ARSG: variants seen among roughly 807,000 people sequenced by gnomAD.
ARSG encodes ASG.
Under a neutral mutation model 50.5 loss-of-function variants are expected in ARSG, and 37 were observed. The observed-to-expected ratio is 0.73, with a 90% confidence interval of 0.56 to 0.96. The LOEUF is 0.96. Among genes scored for constraint, ARSG ranks in the 50% least tolerant of loss-of-function variants. The pLI is 0.00. For synonymous variants in ARSG, 225 were observed against 254.6 expected (o/e 0.88, Z 1.11); for missense variants, 629 against 675.3 (o/e 0.93, Z 0.76).
intron 11 of ARSG, among the ~76,000 whole-genome samples, chr17:68,413,309 T>G (rs1233940472): frequency 2.0e-5 from 3 of 152,176 alleles, no homozygotes; most frequent in African/African-American, 7.2e-5. Context: ...GGTGTGGATG[T>G]CCTTTCTGTT....
At chr17:68,290,402 G>A (rs2145217293), upstream of ARSG, among the ~76,000 whole-genome samples, 1 of 152,340 alleles carries the variant, frequency 6.6e-6, no homozygotes, top group Non-Finnish European at 1.5e-5. Flanking sequence ...CCCTTGCTAC[G>A]GAACTGCTTG....
chr17:68,325,232 G>A (rs559791168), intron 2 of ARSG, among the ~76,000 whole-genome samples: 2 of 151,990 alleles, frequency 1.3e-5, no homozygotes, highest in Admixed American at 6.6e-5. Context: ...ACAGGAGTGC[G>A]AGCCCTATTG....
intron 8 of ARSG, chr17:68,379,784 A>C: frequency 1.0e-6 from 1 of 982,816 alleles, no homozygotes; most frequent in Non-Finnish European, 1.2e-6. Flanking sequence ...TTAAATGAAA[A>C]ACACTAGGCA....
At position 68,307,429 on chromosome 17, in the gene ARSG, T is replaced by C; in HGVS notation, c.-65T>C. The C allele has an allele frequency of 7.7e-7, 1 of 1,296,098 alleles. No homozygotes were observed. 80.3% of individuals were successfully genotyped at this position (1,296,098 alleles called of 1,614,324 possible). A position where few individuals can be genotyped will look rare whatever the true frequency, so the allele number is the denominator to read the frequency against. The stretch of plus-strand genomic sequence containing the variant: ...CTTTGAAAGTGAGCAGAAAGGAAGC[T>C]CTCAGAAAAATCTCTAGTGGTGGCT... On this transcript the variant is annotated 5_prime_UTR_variant, in exon 2 of 12. Coordinates refer to ENST00000621439, the MANE Select transcript of ARSG (RefSeq NM_001267727.2).
At chr17:68,389,623 T>C (rs1437475983) in intron 9 of ARSG, among the ~76,000 whole-genome samples, 1 of 152,168 alleles carries the variant, frequency 6.6e-6, no homozygotes, top group East Asian at 1.9e-4. Flanking sequence ...CTTCCTCTTC[T>C]TCAGAGGAAG....
chr17:68,368,487 G>C lies in ARSG; in HGVS notation c.705-61G>C, dbSNP rs1012366488. Reference sequence around the variant, plus strand: ...TTCCTGGAGGAGAGGGAGGATCCCTGAGGCACCAGATGAGCCAGGAGAGCC... The same window carrying C: ...TTCCTGGAGGAGAGGGAGGATCCCTCAGGCACCAGATGAGCCAGGAGAGCC... On this transcript the variant is annotated intron_variant, in intron 6 of 11. Coordinates refer to ENST00000621439, the MANE Select transcript of ARSG (RefSeq NM_001267727.2). The C allele has an allele frequency of 3.3e-6, 5 of 1,515,218 alleles. No individual in the cohort carries two copies. In the African/African-American group the frequency reaches 6.8e-5, roughly 21 times the overall value. 93.9% of individuals were successfully genotyped at this position (1,515,218 alleles called of 1,614,324 possible). A position where few individuals can be genotyped will look rare whatever the true frequency, so the allele number is the denominator to read the frequency against.
chr17:68,329,403 A>T (rs896508933), intron 2 of ARSG, among the ~76,000 whole-genome samples: 2 of 152,132 alleles, frequency 1.3e-5, no homozygotes, highest in African/African-American at 4.8e-5. Flanking sequence ...AAGGACCTCC[A>T]CTGAGGCTGG....
intron 1 of ARSG, among the ~76,000 whole-genome samples, chr17:68,296,822 C>A (rs781902157): frequency 6.6e-6 from 1 of 152,112 alleles, no homozygotes; most frequent in African/African-American, 2.4e-5. Context: ...AGGACACATG[C>A]GATTGTTACG....
At chr17:68,450,372 C>T in the ARSG span, among the ~76,000 whole-genome samples, 4 of 152,160 alleles carry the variant, frequency 2.6e-5, no homozygotes, top group African/African-American at 9.7e-5. Flanking sequence ...AGGGCAAAAC[C>T]AGAAGAGTCG....
chr17:68,423,507 G>A (rs930682492), downstream of ARSG, among the ~76,000 whole-genome samples: 1 of 152,210 alleles, frequency 6.6e-6, no homozygotes, highest in African/African-American at 2.4e-5. The surrounding 1 kb of genome is among the most constrained non-coding windows in gnomAD (Gnocchi z 4.4). Context: ...ACTCACAAGG[G>A]TCTAACACCT....
chr17:68,323,337 A>C (rs1454444433), intron 2 of ARSG, among the ~76,000 whole-genome samples: 1 of 152,100 alleles, frequency 6.6e-6, no homozygotes, highest in South Asian at 2.1e-4. Flanking sequence ...TAGGAAAAGG[A>C]CTCAAATTAA....
At chr17:68,448,742 T>C in the ARSG span, among the ~76,000 whole-genome samples, 1 of 152,240 alleles carries the variant, frequency 6.6e-6, no homozygotes, top group African/African-American at 2.4e-5. Flanking sequence ...TAACCTTGTA[T>C]ACGGATTACT....
Position 68,307,380 on chromosome 17 carries a change from C to T in ARSG, c.-114C>T, listed in dbSNP as rs894209785. ...CACCAGCATCTTCTTGCAGATTCCA[C>T]CCCTGCTCCCCAGAGACTTCCTGCT... On this transcript the variant is annotated 5_prime_UTR_variant, in exon 2 of 12. Transcript: ENST00000621439. The T allele has an allele frequency of 2.4e-5, 19 of 806,232 alleles. No individual in the cohort carries two copies. Among genetic ancestry groups the T allele is most frequent in the Non-Finnish European group, 3.3e-5 (16 of 486,248 alleles). 49.9% of individuals were successfully genotyped at this position (806,232 alleles called of 1,614,324 possible).
At chr17:68,435,227 A>G in the ARSG span, among the ~76,000 whole-genome samples, 2 of 151,532 alleles carry the variant, frequency 1.3e-5, no homozygotes, top group Admixed American at 6.6e-5. Context: ...AAAAAATTCA[A>G]TTGGATCACT....
upstream of ARSG, chr17:68,291,168 G>A (rs1318052051): frequency 6.6e-6 from 1 of 151,930 alleles, no homozygotes; most frequent in Non-Finnish European, 1.5e-5. Context: ...AAGCCGCTCG[G>A]TAACATGAGA....
intron 2 of ARSG, among the ~76,000 whole-genome samples, chr17:68,340,180 G>C (rs992976814): frequency 6.6e-6 from 1 of 152,094 alleles, no homozygotes; most frequent in South Asian, 2.1e-4. Flanking sequence ...TGTGGAGTTG[G>C]CATAACATTC....
intron 1 of ARSG, among the ~76,000 whole-genome samples, chr17:68,270,182 T>C (rs2075290171): frequency 6.6e-6 from 1 of 152,162 alleles, no homozygotes; most frequent in African/African-American, 2.4e-5. Context: ...ATTAGTTCTA[T>C]CATTCCAAAA....
intron 2 of ARSG, among the ~76,000 whole-genome samples, chr17:68,312,416 G>T (rs2076898289): frequency 6.6e-6 from 1 of 152,198 alleles, no homozygotes; most frequent in Non-Finnish European, 1.5e-5. Flanking sequence ...GGCGTGGGTT[G>T]CCAAATGCTT....
chr17:68,301,781 C>A (rs7208682), intron 1 of ARSG, among the ~76,000 whole-genome samples: 2 of 152,062 alleles, frequency 1.3e-5, no homozygotes, highest in Non-Finnish European at 2.9e-5. Flanking sequence ...GCTTCTTTGC[C>A]GCTCCTTGCT....
Sources: gnomAD v4.1 joint callset for allele counts (sites outside exome capture counted in the v4.1 genomes callset) on GRCh38, gnomAD v4.1.1 for gene constraint, Gnocchi (gnomAD v3.1) non-coding constraint, MANE v1.5 for transcripts, NCBI Gene and HGNC (gene_info 2026-07-23, HGNC 2026-07-21) for gene names.